SCHIP1: variants seen among roughly 807,000 people sequenced by gnomAD.
SCHIP1 encodes the protein schwannomin interacting protein 1.
A neutral mutation model predicts 29.7 loss-of-function variants in SCHIP1; 8 were observed. That is an observed-to-expected ratio of 0.27 (90% confidence interval 0.16 to 0.49). SCHIP1 has a LOEUF of 0.49. SCHIP1 is among the 20% of genes least tolerant of loss of function. The pLI, the probability that SCHIP1 is intolerant of heterozygous loss-of-function variation, is 0.99. For synonymous variants in SCHIP1, 76 were observed against 94.9 expected (o/e 0.80, Z 1.16); for missense variants, 193 against 294.6 (o/e 0.66, Z 2.52).
chr3:159,362,403 G>C, the SCHIP1 span, among the ~76,000 whole-genome samples: 1 of 152,172 alleles, frequency 6.6e-6, no homozygotes, highest in Admixed American at 6.5e-5. Context: ...GGAGACAATT[G>C]CTTATATTTC....
the SCHIP1 span, among the ~76,000 whole-genome samples, chr3:159,494,532 C>T: frequency 2.0e-5 from 3 of 152,186 alleles, no homozygotes; most frequent in Non-Finnish European, 4.4e-5. Flanking sequence ...TCGACACATA[C>T]ACCCTCTCAA....
chr3:159,684,902 T>G, the SCHIP1 span, among the ~76,000 whole-genome samples: 128 of 151,688 alleles, frequency 8.4e-4, no homozygotes, highest in Middle Eastern at 0.01. Flanking sequence ...ATTACCAAAC[T>G]TCAAAATGTT....
At chr3:159,583,940 T>C in the SCHIP1 span, among the ~76,000 whole-genome samples, 1 of 152,308 alleles carries the variant, frequency 6.6e-6, no homozygotes, top group South Asian at 2.1e-4. Context: ...ATCCCAGAAA[T>C]GCACAATTGC....
At chr3:159,632,851 ATG>A in the SCHIP1 span, among the ~76,000 whole-genome samples, 1 of 152,134 alleles carries the variant, frequency 6.6e-6, no homozygotes, top group African/African-American at 2.4e-5. Context: ...AGGTGGGGAG[ATG>A]TGGACCCCTA....
At chr3:159,618,044 G>T in the SCHIP1 span, among the ~76,000 whole-genome samples, 1 of 152,258 alleles carries the variant, frequency 6.6e-6, no homozygotes, top group South Asian at 2.1e-4. Flanking sequence ...ACAAAAAGTT[G>T]TGAACTCAGA....
chr3:159,308,046 T>A, the SCHIP1 span, among the ~76,000 whole-genome samples: 1,310 of 152,234 alleles, frequency 8.6e-3, 16 homozygotes, highest in African/African-American at 0.031. Flanking sequence ...TAAGGATTGC[T>A]TTGGTTATTT....
At chr3:159,628,477 T>C in the SCHIP1 span, among the ~76,000 whole-genome samples, 13 of 152,242 alleles carry the variant, frequency 8.5e-5, no homozygotes, top group South Asian at 4.2e-4. Flanking sequence ...GATGCAGATA[T>C]TGGATTTTTC....
At chr3:159,521,867 T>C in the SCHIP1 span, among the ~76,000 whole-genome samples, 2 of 152,222 alleles carry the variant, frequency 1.3e-5, no homozygotes, top group African/African-American at 4.8e-5. Flanking sequence ...TAATTGCTAG[T>C]CTATTATTAG....
the SCHIP1 span, among the ~76,000 whole-genome samples, chr3:159,656,128 TAAG>T: frequency 6.6e-6 from 1 of 152,272 alleles, no homozygotes; most frequent in East Asian, 1.9e-4. Flanking sequence ...ACAGATCTGG[TAAG>T]AAGAATCTTC....
the SCHIP1 span, among the ~76,000 whole-genome samples, chr3:159,414,469 T>A: frequency 1.3e-5 from 2 of 152,230 alleles, no homozygotes; most frequent in Non-Finnish European, 2.9e-5. Flanking sequence ...TGCTCTCCTT[T>A]TTGGGATACC....
the SCHIP1 span, among the ~76,000 whole-genome samples, chr3:159,521,677 T>A: frequency 6.6e-6 from 1 of 152,218 alleles, no homozygotes; most frequent in Non-Finnish European, 1.5e-5. Flanking sequence ...TGGAGCAGAA[T>A]TGTAACACAA....
chr3:159,685,755 T>A, the SCHIP1 span, among the ~76,000 whole-genome samples: 1 of 152,210 alleles, frequency 6.6e-6, no homozygotes, highest in Non-Finnish European at 1.5e-5. Flanking sequence ...TTTACCCACA[T>A]ATAACTCAGA....
At chr3:159,717,761 C>T in the SCHIP1 span, among the ~76,000 whole-genome samples, 1 of 152,146 alleles carries the variant, frequency 6.6e-6, no homozygotes, top group South Asian at 2.1e-4. Context: ...CAAAAAAAGT[C>T]CAGGACCAGA....
intron 1 of SCHIP1, among the ~76,000 whole-genome samples, chr3:159,865,597 C>T (rs1176524035): frequency 6.6e-6 from 1 of 152,178 alleles, no homozygotes; most frequent in Non-Finnish European, 1.5e-5. Flanking sequence ...AAACAACAGT[C>T]CCCAACAAGA....
At chr3:159,626,148 ATATATATATATATC>A in the SCHIP1 span, among the ~76,000 whole-genome samples, 347 of 114,060 alleles carry the variant, frequency 3.0e-3, 37 homozygotes, top group African/African-American at 0.02. Context: ...ATATATCTAG[ATATATATATATATC>A]TAGATATATC....
At chr3:159,831,901 TG>T in the SCHIP1 span, among the ~76,000 whole-genome samples, 1 of 109,082 alleles carries the variant, frequency 9.2e-6, no homozygotes, top group African/African-American at 3.8e-5. Flanking sequence ...GGGGAATGAT[TG>T]TATGTCTGTT....
At chr3:159,638,030 G>A in the SCHIP1 span, among the ~76,000 whole-genome samples, 1 of 152,252 alleles carries the variant, frequency 6.6e-6, no homozygotes, top group East Asian at 1.9e-4. Flanking sequence ...ATGGAAAATT[G>A]AAAAGCTAAC....
chr3:159,599,723 CTT>C, the SCHIP1 span, among the ~76,000 whole-genome samples: 5 of 152,132 alleles, frequency 3.3e-5, no homozygotes, highest in Non-Finnish European at 4.4e-5. Context: ...GTAAGTATCT[CTT>C]AATCTTATTG....
the SCHIP1 span, among the ~76,000 whole-genome samples, chr3:159,833,535 T>TG: frequency 6.6e-6 from 1 of 152,232 alleles, no homozygotes; most frequent in Non-Finnish European, 1.5e-5. Flanking sequence ...CCTTGCCGCT[T>TG]GGGGATTAGG....
Sources: gnomAD v4.1 joint callset for allele counts (sites outside exome capture counted in the v4.1 genomes callset) on GRCh38, gnomAD v4.1.1 for gene constraint, MANE v1.5 for transcripts, NCBI Gene and HGNC (gene_info 2026-07-23, HGNC 2026-07-21) for gene names.